The following PFKFB3 variants were observed in gnomAD, a reference collection of about 807,000 sequenced individuals.
PFKFB3 encodes the protein 6-phosphofructo-2-kinase/fructose-2,6-biphosphatase 3.
In PFKFB3, 33 loss-of-function variants were observed where a neutral mutation model predicts 68.0. That is an observed-to-expected ratio of 0.49 (90% CI 0.37 to 0.65). The LOEUF (loss-of-function observed/expected upper bound fraction) is 0.65, where lower values mean the gene tolerates loss of function less well. Among genes scored for constraint, PFKFB3 ranks in the 30% least tolerant of loss-of-function variants. The probability of loss-of-function intolerance (pLI) is 0.00; values close to 1 mark genes in which losing one functional copy is unlikely to be tolerated. For synonymous variants in PFKFB3, 315 were observed against 288.2 expected, an observed-to-expected ratio of 1.09 and a Z score of -0.94; for missense variants, 586 against 712.2, an observed-to-expected ratio of 0.82 and a Z score of 2.02.
At chr10:6,306,831 C>T in the PFKFB3 span, among the ~76,000 whole-genome samples, 13 of 152,156 alleles carry the variant, frequency 8.5e-5, no homozygotes, top group African/African-American at 2.9e-4. Context: ...AACCAAGTTA[C>T]GGGGTCATAA....
chr10:6,243,321 T>C (rs562440115), intron 14 of PFKFB3, among the ~76,000 whole-genome samples: 1 of 152,222 alleles, frequency 6.6e-6, no homozygotes, highest in Non-Finnish European at 1.5e-5. Context: ...TTCTGAGATT[T>C]GAAGGAAACT....
chr10:6,309,569 C>T, the PFKFB3 span, among the ~76,000 whole-genome samples: 1 of 152,202 alleles, frequency 6.6e-6, no homozygotes, highest in South Asian at 2.1e-4. Context: ...TTGCAGTGAG[C>T]TGAGATTGTG....
Position 6,204,363 on chromosome 10 carries a change from C to T in PFKFB3, c.76+1027C>T, listed in dbSNP as rs914960441. 9.8e-5 allele frequency among the ~76,000 whole-genome samples: 15 copies of T among 152,366 alleles called. No individual in the cohort carries two copies. The East Asian group carries it at 1.5e-3, about 16-fold the overall frequency. ...CAGGTGCAAACTCTCGAGGTGGCTT[C>T]GGGTCATCCGAAGGCGCCTGAGCGC... On this transcript the variant is annotated intron_variant, in intron 1 of 14. Transcript: ENST00000379775.
At chr10:6,224,507 G>A (rs1339829159) in intron 13 of PFKFB3, 3 of 534,068 alleles carry the variant, frequency 5.6e-6, no homozygotes, top group Non-Finnish European at 1.1e-5. Context: ...TTGAGACAGG[G>A]TCTCAGTCTG....
downstream of PFKFB3, among the ~76,000 whole-genome samples, chr10:6,236,871 A>G (rs769552175): frequency 6.6e-6 from 1 of 152,212 alleles, no homozygotes; most frequent in Non-Finnish European, 1.5e-5. Flanking sequence ...CTAGGTCCAC[A>G]GTCACTGACT....
chr10:6,146,301 G>T (rs570277024), intron 1 of PFKFB3: 2 of 1,505,498 alleles, frequency 1.3e-6, no homozygotes, highest in African/African-American at 2.8e-5. Context: ...TTCAAACAGA[G>T]GGTGCCTAGG....
intron 1 of PFKFB3, among the ~76,000 whole-genome samples, chr10:6,190,022 C>G (rs1375039251): frequency 6.6e-6 from 1 of 151,982 alleles, no homozygotes; most frequent in Admixed American, 6.6e-5. Context: ...CGGCTCACTG[C>G]AACCTCTGCC....
chr10:6,304,486 T>C, the PFKFB3 span, among the ~76,000 whole-genome samples: 14 of 149,258 alleles, frequency 9.4e-5, no homozygotes, highest in African/African-American at 3.2e-4. Context: ...TAAATGTATC[T>C]AGTATGTTCT....
intron 1 of PFKFB3, among the ~76,000 whole-genome samples, chr10:6,177,436 T>C (rs1201934485): frequency 3.5e-5 from 2 of 56,392 alleles, no homozygotes; most frequent in African/African-American, 5.6e-5. Context: ...TTTCTTTTCT[T>C]TCTCTTTCTT....
intron 1 of PFKFB3, among the ~76,000 whole-genome samples, chr10:6,147,790 C>T (rs1012862341): frequency 1.6e-4 from 24 of 151,654 alleles, no homozygotes; most frequent in East Asian, 5.8e-4. Flanking sequence ...GGGGACCTGA[C>T]GGGGTGGTCC....
the PFKFB3 span, among the ~76,000 whole-genome samples, chr10:6,308,979 G>T: frequency 3.9e-5 from 6 of 152,256 alleles, no homozygotes; most frequent in South Asian, 1.2e-3. Flanking sequence ...CAAGTCCATG[G>T]GACTTTTGGG....
chr10:6,295,671 C>T, the PFKFB3 span, among the ~76,000 whole-genome samples: 4 of 152,088 alleles, frequency 2.6e-5, no homozygotes, highest in Non-Finnish European at 5.9e-5. Context: ...TGTTTCTCTT[C>T]CCCCAGGCCA....
At chr10:6,262,469 A>AAAAAAG in the PFKFB3 span, among the ~76,000 whole-genome samples, 1 of 121,728 alleles carries the variant, frequency 8.2e-6, no homozygotes, top group Non-Finnish European at 1.7e-5. Context: ...AAAAAAAAAA[A>AAAAAAG]AAAAAAAAAA....
chr10:6,236,819 C>G (rs1038751557), downstream of PFKFB3, among the ~76,000 whole-genome samples: 5 of 152,218 alleles, frequency 3.3e-5, no homozygotes, highest in African/African-American at 1.2e-4. Context: ...CACAGGGGCT[C>G]TGACCTTTTG....
the PFKFB3 span, among the ~76,000 whole-genome samples, chr10:6,268,349 A>G: frequency 5.3e-5 from 8 of 152,088 alleles, no homozygotes; most frequent in Non-Finnish European, 5.9e-5. Context: ...GCTTTTCTAT[A>G]CTATTATAAA....
chr10:6,266,595 T>C, the PFKFB3 span, among the ~76,000 whole-genome samples: 1 of 152,222 alleles, frequency 6.6e-6, no homozygotes, highest in African/African-American at 2.4e-5. Flanking sequence ...ATACAATAAC[T>C]ATAATATGTA....
At chr10:6,182,293 C>T (rs1842734679) in intron 1 of PFKFB3, among the ~76,000 whole-genome samples, 1 of 152,132 alleles carries the variant, frequency 6.6e-6, no homozygotes, top group Admixed American at 6.5e-5. Context: ...CACGCACACA[C>T]ACACCCCTTG....
At chr10:6,222,049 ATC>A (rs1310920469) in intron 10 of PFKFB3, among the ~76,000 whole-genome samples, 2 of 151,550 alleles carry the variant, frequency 1.3e-5, no homozygotes, top group East Asian at 4.0e-4. Context: ...GTGGCTCTAT[ATC>A]CCCTGGGCAG....
At chr10:6,232,065 C>G (rs1174168325) in intron 14 of PFKFB3, among the ~76,000 whole-genome samples, 1 of 152,174 alleles carries the variant, frequency 6.6e-6, no homozygotes, top group Non-Finnish European at 1.5e-5. Flanking sequence ...TGTGCCTGGG[C>G]TCTCTCCCAC....
Sources: gnomAD v4.1 joint callset for allele counts (sites outside exome capture counted in the v4.1 genomes callset) on GRCh38, gnomAD v4.1.1 for gene constraint, MANE v1.5 for transcripts, NCBI Gene and HGNC (gene_info 2026-07-23, HGNC 2026-07-21) for gene names.